Variants in SLC26A8 observed in about 807,000 individuals in gnomAD.
SLC26A8 encodes testis anion transporter 1.
Under a neutral mutation model 105.0 loss-of-function variants are expected in SLC26A8, and 70 were observed. That is an observed-to-expected ratio of 0.67 (90% CI 0.55 to 0.81). SLC26A8 has a LOEUF of 0.81. SLC26A8 is among the 40% of genes least tolerant of loss of function. The pLI is 0.00. For synonymous variants in SLC26A8, 415 were observed against 438.3 expected (o/e 0.95, Z 0.66); for missense variants, 998 against 1,181.8 (o/e 0.84, Z 2.28).
intron 19 of SLC26A8, among the ~76,000 whole-genome samples, chr6:35,948,354 T>C (rs1396708890): frequency 6.6e-6 from 1 of 152,100 alleles, no homozygotes; most frequent in Non-Finnish European, 1.5e-5. Flanking sequence ...TTTGGGAGGC[T>C]AAGGTGGGCA....
chr6:36,008,906 T>C (rs1410996350), intron 3 of SLC26A8, among the ~76,000 whole-genome samples: 1 of 152,214 alleles, frequency 6.6e-6, no homozygotes, highest in Non-Finnish European at 1.5e-5. Flanking sequence ...ACTGGATCAC[T>C]GATAGATTGC....
chr6:36,021,844 C>T (rs1413798841), intron 1 of SLC26A8, among the ~76,000 whole-genome samples: 4 of 152,048 alleles, frequency 2.6e-5, no homozygotes, highest in Admixed American at 6.5e-5. Flanking sequence ...AGTGCAGTGG[C>T]GTGATCTCAG....
intron 1 of SLC26A8, among the ~76,000 whole-genome samples, chr6:36,023,393 A>G (rs898471179): frequency 6.6e-6 from 1 of 152,074 alleles, no homozygotes; most frequent in African/African-American, 2.4e-5. Context: ...TAATAAAAAT[A>G]CAAAAATTAG....
At chr6:35,999,085 G>C (rs977439337) in intron 4 of SLC26A8, among the ~76,000 whole-genome samples, 1 of 151,930 alleles carries the variant, frequency 6.6e-6, no homozygotes, top group African/African-American at 2.4e-5. Flanking sequence ...TAGTAGAGGT[G>C]GGGTTTCACT....
Position 35,950,129 on chromosome 6 carries a change from T to C in SLC26A8, c.2472+1034A>G, listed in dbSNP as rs564128194. 4.3e-4 allele frequency among the ~76,000 whole-genome samples: 66 copies of C among 152,064 alleles called. 2 individuals are homozygous for C. Among genetic ancestry groups the C allele is most frequent in the African/African-American group, 1.5e-3 (63 of 41,506 alleles). ...GGTCTTAACTGTTTCAGATGTGGTG[T>C]CTCATTTCATCAACTAGGCTTTGTT... is the stretch of plus-strand genomic sequence containing the variant. On this transcript the variant is annotated intron_variant, in intron 19 of 19. Transcript: ENST00000490799.
At position 35,943,827 on chromosome 6, in the gene SLC26A8, T is replaced by G. The variant is rs1456338384; in HGVS notation, c.*73A>C. 6.4e-7 allele frequency: 1 copy of G among 1,564,740 alleles called. No homozygotes were observed. Among genetic ancestry groups the G allele is most frequent in the African/African-American group, 1.4e-5 (1 of 73,884 alleles). ...TGCTAGTTCGTATCCAGTCTAGGTC[T>G]CTGGACAATTGACCCCTTTTTGGGT... is the stretch of plus-strand genomic sequence containing the variant. On this transcript the variant is annotated 3_prime_UTR_variant, in exon 20 of 20. Transcript: ENST00000490799.
At position 35,977,252 on chromosome 6, in the gene SLC26A8, C is replaced by G; in HGVS notation, c.1125G>C (p.Leu375=). Residue 375 remains leucine (L), a synonymous_variant, in exon 9 of 20, where the codon CTG becomes CTC. Transcript: ENST00000490799. The part of the protein sequence containing the change: ...SLVSSFLLIF[L]GKKIASLHNY... ...TGTGAAGACTGGCAATCTTCTTGCC[C>G]AGAAATATGAGCAGAAAGGAGCTCA... is the stretch of plus-strand genomic sequence containing the variant. The G allele has an allele frequency of 6.2e-7, 1 of 1,613,878 alleles. No individual in the cohort carries two copies. The highest frequency in any genetic ancestry group is 8.5e-7 in the Non-Finnish European group (1 of 1,179,950).
intron 3 of SLC26A8, among the ~76,000 whole-genome samples, chr6:36,009,215 G>C (rs1377632880): frequency 6.6e-6 from 1 of 152,174 alleles, no homozygotes; most frequent in Non-Finnish European, 1.5e-5. Context: ...GCTGGGTGTG[G>C]TGGCGTGCGC....
At chr6:35,955,633 T>C in intron 16 of SLC26A8, 113 bp from the exon 17 acceptor site, 2 of 1,364,986 alleles carry the variant, frequency 1.5e-6, no homozygotes, top group Non-Finnish European at 2.0e-6. Flanking sequence ...CTCATGAAAC[T>C]TCTCCCGAGA....
At chr6:35,955,062 A>G (rs764583332) in intron 17 of SLC26A8, 90 bp downstream of exon 17, 7 of 1,502,602 alleles carry the variant, frequency 4.7e-6, no homozygotes, top group Non-Finnish European at 6.4e-6. Flanking sequence ...GCAGCTGATC[A>G]GTGACTAACA....
At chr6:36,009,353 AAACAACAAC>A (rs145874408) in intron 3 of SLC26A8, among the ~76,000 whole-genome samples, 8 of 149,370 alleles carry the variant, frequency 5.4e-5, no homozygotes, top group South Asian at 2.1e-4. Flanking sequence ...TGCCTCTCAA[AAACAACAAC>A]AACAACAACA....
At chr6:35,966,240 C>T (rs1331734802) in intron 11 of SLC26A8, among the ~76,000 whole-genome samples, 1 of 152,174 alleles carries the variant, frequency 6.6e-6, no homozygotes, top group South Asian at 2.1e-4. Context: ...GCAGAAATTA[C>T]TTCTTTCCCA....
At chr6:35,987,230 G>A (rs1245573899) in intron 7 of SLC26A8, among the ~76,000 whole-genome samples, 2 of 152,194 alleles carry the variant, frequency 1.3e-5, no homozygotes, top group East Asian at 3.8e-4. Context: ...CTGTGGCAAT[G>A]TACAAGCCAT....
intron 19 of SLC26A8, among the ~76,000 whole-genome samples, chr6:35,948,355 A>C (rs1378442824): frequency 6.6e-6 from 1 of 152,090 alleles, no homozygotes; most frequent in Non-Finnish European, 1.5e-5. Context: ...TTGGGAGGCT[A>C]AGGTGGGCAG....
Position 35,982,042 on chromosome 6 carries a change from A to G in SLC26A8, c.1025+79T>C, listed in dbSNP as rs1773288001. ...TGGCCAGAGACTGCTAGTAGAAAAT[A>G]TCAATCAGGCTGTGTGGTCAGAGGC... is the stretch of plus-strand genomic sequence containing the variant. On this transcript the variant is annotated intron_variant, in intron 8 of 19. Coordinates refer to ENST00000490799, the MANE Select transcript of SLC26A8 (RefSeq NM_052961.4). 4.9e-6 allele frequency: 7 copies of G among 1,436,924 alleles called. No homozygotes were observed. The South Asian group carries it at 5.9e-5, about 12-fold the overall frequency. 89.0% of individuals were successfully genotyped at this position (1,436,924 alleles called of 1,614,324 possible).
chr6:35,965,218 C>T (rs577936264), intron 11 of SLC26A8, among the ~76,000 whole-genome samples: 6 of 152,174 alleles, frequency 3.9e-5, no homozygotes, highest in Admixed American at 3.3e-4. Context: ...TGGTGAATGA[C>T]ATTTTTATCT....
chr6:35,967,187 A>G (rs1772552319), intron 11 of SLC26A8, among the ~76,000 whole-genome samples: 1 of 152,176 alleles, frequency 6.6e-6, no homozygotes, highest in African/African-American at 2.4e-5. Context: ...CTTGAATCAT[A>G]TGAGCAGAAG....
intron 7 of SLC26A8, 58 bp from the exon 8 acceptor site, chr6:35,982,261 C>G (rs1219835975): frequency 1.9e-6 from 3 of 1,551,786 alleles, no homozygotes; most frequent in East Asian, 2.2e-5. Flanking sequence ...TATAGTGCAT[C>G]GCTTCTAGAA....
intron 10 of SLC26A8, among the ~76,000 whole-genome samples, chr6:35,972,205 A>G (rs1302084214): frequency 1.3e-5 from 2 of 152,212 alleles, no homozygotes; most frequent in African/African-American, 4.8e-5. Context: ...AGCCAGCCCC[A>G]TATTTCTCTT....
Sources: gnomAD v4.1 joint callset for allele counts (sites outside exome capture counted in the v4.1 genomes callset) on GRCh38, gnomAD v4.1.1 for gene constraint, MANE v1.5 for transcripts, NCBI Gene and HGNC (gene_info 2026-07-23, HGNC 2026-07-21) for gene names.